CORO2B: variants seen among roughly 807,000 people sequenced by gnomAD.
The protein encoded by CORO2B is coronin-2B.
In CORO2B, 26 loss-of-function variants were observed where a neutral mutation model predicts 58.8. The observed-to-expected ratio is 0.44, with a 90% CI of 0.32 to 0.61. The LOEUF (loss-of-function observed/expected upper bound fraction) is 0.61. Ranked by LOEUF, CORO2B falls within the 20% of genes least tolerant of loss-of-function variation. The pLI is 0.04. For missense variants in CORO2B, 460 were observed against 645.1 expected, an observed-to-expected ratio of 0.71 and a Z score of 3.11; for synonymous variants, 242 against 253.8, an observed-to-expected ratio of 0.95 and a Z score of 0.44.
intron 1 of CORO2B, among the ~76,000 whole-genome samples, chr15:68,587,249 C>G (rs1447531383): frequency 6.6e-6 from 1 of 152,184 alleles, no homozygotes; most frequent in East Asian, 1.9e-4. Context: ...GGTGTCTGCT[C>G]TGTCCGAGCT....
chr15:68,723,729 G>A (rs1041718357), intron 11 of CORO2B, among the ~76,000 whole-genome samples: 13 of 152,044 alleles, frequency 8.6e-5, no homozygotes, highest in Non-Finnish European at 1.5e-5. Context: ...TGGATTACAG[G>A]CGTGAGCCAC....
intron 2 of CORO2B, among the ~76,000 whole-genome samples, chr15:68,668,022 G>A (rs1233599434): frequency 6.6e-6 from 1 of 152,190 alleles, no homozygotes; most frequent in African/African-American, 2.4e-5. Context: ...CACGTACAAC[G>A]GGCCAGGGAC....
the CORO2B span, among the ~76,000 whole-genome samples, chr15:68,546,966 G>T: frequency 1.3e-5 from 2 of 152,202 alleles, no homozygotes; most frequent in African/African-American, 4.8e-5. Context: ...TTAATTTATG[G>T]CCAGCTTAAT....
chr15:68,591,228 T>C (rs1485546459), intron 1 of CORO2B, among the ~76,000 whole-genome samples: 2 of 152,040 alleles, frequency 1.3e-5, no homozygotes, highest in Admixed American at 1.3e-4. Flanking sequence ...CCAAGGAAGC[T>C]CTCTGGAAGG....
At chr15:68,536,588 G>A in the CORO2B span, among the ~76,000 whole-genome samples, 1 of 152,192 alleles carries the variant, frequency 6.6e-6, no homozygotes. Context: ...TTTGCAAAGT[G>A]TGATTGTGAT....
chr15:68,551,162 G>A, the CORO2B span, among the ~76,000 whole-genome samples: 1 of 152,066 alleles, frequency 6.6e-6, no homozygotes, highest in Non-Finnish European at 1.5e-5. Context: ...TCCAAAGTGG[G>A]CAGACAGGGG....
At chr15:68,561,455 C>T in the CORO2B span, among the ~76,000 whole-genome samples, 1 of 152,252 alleles carries the variant, frequency 6.6e-6, no homozygotes, top group East Asian at 1.9e-4. Flanking sequence ...TGCCTCCCAG[C>T]GCCTTCCCCT....
At chr15:68,670,228 G>A (rs938248686) in intron 2 of CORO2B, among the ~76,000 whole-genome samples, 2 of 152,046 alleles carry the variant, frequency 1.3e-5, no homozygotes, top group African/African-American at 2.4e-5. Flanking sequence ...AGGCTGGAGT[G>A]CAGTGGCGTG....
At chr15:68,576,266 TTTGCCC>T (rs971645982), upstream of CORO2B, among the ~76,000 whole-genome samples, 2 of 151,728 alleles carry the variant, frequency 1.3e-5, no homozygotes, top group African/African-American at 4.8e-5. Flanking sequence ...ATTGTCTGAG[TTTGCCC>T]TTGCTTTTCT....
chr15:68,724,542 A>G (rs1372258168), intron 11 of CORO2B, among the ~76,000 whole-genome samples: 1 of 152,188 alleles, frequency 6.6e-6, no homozygotes, highest in Non-Finnish European at 1.5e-5. Context: ...AGCCACCATC[A>G]GCCAAGATAT....
intron 1 of CORO2B, among the ~76,000 whole-genome samples, chr15:68,642,736 C>T (rs536142864): frequency 6.6e-6 from 1 of 152,288 alleles, no homozygotes; most frequent in South Asian, 2.1e-4. Context: ...ACTAGGAGCC[C>T]AGGGAGAGGC....
At chr15:68,670,462 G>A (rs1414271876) in intron 2 of CORO2B, among the ~76,000 whole-genome samples, 2 of 152,164 alleles carry the variant, frequency 1.3e-5, no homozygotes, top group Admixed American at 1.3e-4. Flanking sequence ...TTACAGGCAT[G>A]AGCCATCGCG....
At chr15:68,589,001 C>T (rs978626657) in intron 1 of CORO2B, among the ~76,000 whole-genome samples, 2 of 152,190 alleles carry the variant, frequency 1.3e-5, no homozygotes, top group African/African-American at 2.4e-5. Context: ...ATAACTTTAT[C>T]ATCACAAATC....
intron 3 of CORO2B, among the ~76,000 whole-genome samples, chr15:68,706,024 G>C (rs969354346): frequency 6.6e-6 from 1 of 152,092 alleles, no homozygotes; most frequent in Non-Finnish European, 1.5e-5. Flanking sequence ...TCAGTTACTG[G>C]GTTGCTCAGG....
At chr15:68,569,137 T>C in the CORO2B span, among the ~76,000 whole-genome samples, 1 of 152,186 alleles carries the variant, frequency 6.6e-6, no homozygotes, top group Non-Finnish European at 1.5e-5. Flanking sequence ...TACATTAGCA[T>C]GTCATTATCA....
chr15:68,616,305 G>A (rs1900356162), intron 1 of CORO2B, among the ~76,000 whole-genome samples: 1 of 152,174 alleles, frequency 6.6e-6, no homozygotes, highest in African/African-American at 2.4e-5. Context: ...AGAATCTTGG[G>A]CAGGAAATGT....
At chr15:68,612,485 A>C (rs754673525) in intron 1 of CORO2B, among the ~76,000 whole-genome samples, 7 of 152,196 alleles carry the variant, frequency 4.6e-5, no homozygotes, top group Non-Finnish European at 8.8e-5. Flanking sequence ...TGTGGAAGTG[A>C]GTGCTCTGAG....
chr15:68,640,459 T>C (rs1901175364), intron 1 of CORO2B, among the ~76,000 whole-genome samples: 3 of 152,082 alleles, frequency 2.0e-5, no homozygotes, highest in African/African-American at 7.2e-5. Context: ...ATTGGAATGT[T>C]TTATAAGATG....
intron 1 of CORO2B, among the ~76,000 whole-genome samples, chr15:68,595,503 G>T (rs903417319): frequency 1.3e-5 from 2 of 152,246 alleles, no homozygotes; most frequent in African/African-American, 4.8e-5. Flanking sequence ...TCCTTTAGGG[G>T]ACTGGGATCC....
Sources: gnomAD v4.1 joint callset for allele counts (sites outside exome capture counted in the v4.1 genomes callset) on GRCh38, gnomAD v4.1.1 for gene constraint, MANE v1.5 for transcripts, NCBI Gene and HGNC (gene_info 2026-07-23, HGNC 2026-07-21) for gene names.